The following ARHGDIB variants were observed in gnomAD, a reference collection of about 807,000 sequenced individuals.
ARHGDIB encodes rho GDP-dissociation inhibitor 2.
ARHGDIB carries 20 observed loss-of-function variants against 22.6 expected under a neutral mutation model. The observed-to-expected ratio is 0.88, with a 90% CI of 0.62 to 1.28. ARHGDIB has a LOEUF of 1.28. ARHGDIB is among the 50% of genes most tolerant of loss of function. The pLI is 0.00. For synonymous variants in ARHGDIB, 114 were observed against 96.1 expected (o/e 1.19, Z -1.09); for missense variants, 254 against 245.4 (o/e 1.04, Z -0.23).
chr12:14,949,677 A>C lies in ARHGDIB; in HGVS notation c.265+125T>G, dbSNP rs1443015939. 3 of 824,066 alleles carry C rather than the reference A, an allele frequency of 3.6e-6. No individual in the cohort carries two copies. The East Asian group carries it at 8.0e-5, about 22-fold the overall frequency. 51.0% of individuals were successfully genotyped at this position (824,066 alleles called of 1,614,324 possible). ...TGCACTCTAAGAGCAATGATTTGTT[A>C]ACTGGTCCTAGCATATATATCTCTC... On this transcript the variant is annotated intron_variant, in intron 3 of 5. Coordinates refer to ENST00000228945, the MANE Select transcript of ARHGDIB (RefSeq NM_001175.7).
intron 1 of ARHGDIB, chr12:14,961,284 C>G (rs1034856838): frequency 6.6e-6 from 1 of 152,216 alleles, no homozygotes; most frequent in Non-Finnish European, 1.5e-5. Flanking sequence ...CAGGATTGCA[C>G]TTCCTGGGCT....
chr12:14,956,552 G>C (rs1371747534), intron 1 of ARHGDIB, among the ~76,000 whole-genome samples: 1 of 152,192 alleles, frequency 6.6e-6, no homozygotes, highest in Non-Finnish European at 1.5e-5. Flanking sequence ...GGGCAGAGCT[G>C]AGTTTTGCTT....
At chr12:14,954,587 A>G (rs1864259354) in intron 1 of ARHGDIB, among the ~76,000 whole-genome samples, 1 of 152,072 alleles carries the variant, frequency 6.6e-6, no homozygotes, top group African/African-American at 2.4e-5. Flanking sequence ...CTGTTAACTG[A>G]ATGTTGCAAC....
Position 14,942,615 on chromosome 12 carries a change from C to A in ARHGDIB, c.513G>T (p.Thr171=), listed in dbSNP as rs764374478. Residue 171 remains threonine (T), a synonymous_variant, in exon 6 of 6, where the codon ACG becomes ACT. Transcript: ENST00000228945. ...CGGTGAAGAAGGACTTGTTGTGGTACGTGCCTCGCGCCAGCATGCCCTTGG... is the reference window on the plus strand; with the variant it reads ...CGGTGAAGAAGGACTTGTTGTGGTAAGTGCCTCGCGCCAGCATGCCCTTGG... The part of the protein sequence containing the change: ...EAPKGMLARG[T]YHNKSFFTDD... 3.1e-6 allele frequency: 5 copies of A among 1,614,132 alleles called. No homozygotes were observed. Among genetic ancestry groups the A allele is most frequent in the South Asian group, 1.1e-5 (1 of 91,078 alleles).
At chr12:14,954,253 A>G (rs1864249812) in intron 1 of ARHGDIB, among the ~76,000 whole-genome samples, 1 of 152,214 alleles carries the variant, frequency 6.6e-6, no homozygotes, top group Admixed American at 6.5e-5. Flanking sequence ...TGCTGGGATT[A>G]CAGGTGCCTG....
Position 14,957,820 on chromosome 12 carries a change from G to A in ARHGDIB, c.-13+3717C>T, listed in dbSNP as rs113831684. 2.2e-4 allele frequency among the ~76,000 whole-genome samples: 33 copies of A among 151,926 alleles called. 1 individual carries two copies. Among genetic ancestry groups the A allele is most frequent in the African/African-American group, 8.0e-4 (33 of 41,410 alleles). ...TAATGTATTAGGTAGAAGAGATAGC[G>A]ATGAGAGAGAGAGAAGGAAGAGGGG... On this transcript the variant is annotated intron_variant, in intron 1 of 5. Transcript: ENST00000228945.
chr12:14,952,069 C>T (rs1864188983), intron 1 of ARHGDIB, among the ~76,000 whole-genome samples: 1 of 152,088 alleles, frequency 6.6e-6, no homozygotes, highest in Admixed American at 6.5e-5. Flanking sequence ...TGGTTAAAGC[C>T]TTCATTGCTC....
chr12:14,953,295 A>C (rs1308600699), intron 1 of ARHGDIB, among the ~76,000 whole-genome samples: 1 of 152,206 alleles, frequency 6.6e-6, no homozygotes, highest in Non-Finnish European at 1.5e-5. Flanking sequence ...TAAGAAAAAG[A>C]GATATGAGAC....
intron 4 of ARHGDIB, among the ~76,000 whole-genome samples, chr12:14,945,386 TG>T (rs1863989338): frequency 6.6e-6 from 1 of 152,218 alleles, no homozygotes; most frequent in Non-Finnish European, 1.5e-5. Context: ...GAAATTCACT[TG>T]TATCTGGCAA....
Position 14,949,807 on chromosome 12 carries a change from AGG to A in ARHGDIB, c.258_259del (p.Leu87TyrfsTer19). On this transcript the variant is annotated frameshift_variant, in exon 3 of 6. Transcript: ENST00000228945. LOFTEE classifies it high-confidence loss of function. Reference sequence around the variant, plus strand: ...GTACAGATGTGTCTACATACCAGTAAGGTCCATGGTGATTGGTCCCGGGGCAC... The same window carrying A: ...GTACAGATGTGTCTACATACCAGTAATCCATGGTGATTGGTCCCGGGGCAC... The A allele has an allele frequency of 1.2e-6, 2 of 1,613,506 alleles. No homozygotes were observed. Among genetic ancestry groups the A allele is most frequent in the Non-Finnish European group, 1.7e-6 (2 of 1,179,592 alleles).
chr12:14,945,613 T>C (rs1863995278), intron 4 of ARHGDIB, among the ~76,000 whole-genome samples: 1 of 152,264 alleles, frequency 6.6e-6, no homozygotes. Flanking sequence ...ATTGCATCAT[T>C]AGCCGAAGAG....
intron 1 of ARHGDIB, 188 bp from the exon 2 acceptor site, chr12:14,950,912 C>G (rs150676048): frequency 1.0e-5 from 5 of 490,592 alleles, no homozygotes; most frequent in Admixed American, 3.9e-5. Flanking sequence ...AGTAATTTCT[C>G]TGACCTGCCT....
chr12:14,957,680 A>G (rs1195016259), intron 1 of ARHGDIB, among the ~76,000 whole-genome samples: 1 of 152,230 alleles, frequency 6.6e-6, no homozygotes, highest in Non-Finnish European at 1.5e-5. Flanking sequence ...ACAGCTAATG[A>G]AGAGAATTCC....
chr12:14,944,304 C>G (rs1223353768), intron 5 of ARHGDIB, among the ~76,000 whole-genome samples: 1 of 151,110 alleles, frequency 6.6e-6, no homozygotes, highest in Non-Finnish European at 1.5e-5. Context: ...TTTTCTATTT[C>G]TTTGTTAGGA....
chr12:14,958,411 C>T (rs543617593), intron 1 of ARHGDIB, among the ~76,000 whole-genome samples: 3 of 152,162 alleles, frequency 2.0e-5, no homozygotes, highest in Non-Finnish European at 4.4e-5. Context: ...GCACAAATTA[C>T]TAGAAACGTA....
intron 1 of ARHGDIB, among the ~76,000 whole-genome samples, chr12:14,958,096 T>C (rs1216680317): frequency 6.6e-6 from 1 of 152,200 alleles, no homozygotes; most frequent in Non-Finnish European, 1.5e-5. Context: ...TAAAACACTG[T>C]TGACATTTCA....
At chr12:14,948,020 C>A in intron 3 of ARHGDIB, 71 bp from the exon 4 acceptor site, 5 of 1,370,782 alleles carry the variant, frequency 3.6e-6, no homozygotes, top group Non-Finnish European at 5.2e-6. Flanking sequence ...ACTTTTAAGT[C>A]CCGGAAAAAT....
intron 3 of ARHGDIB, among the ~76,000 whole-genome samples, chr12:14,949,569 A>C (rs1291431088): frequency 2.6e-5 from 4 of 152,344 alleles, no homozygotes; most frequent in African/African-American, 9.6e-5. Context: ...AAAATCTGTA[A>C]ATATATCAAA....
chr12:14,948,095 T>C lies in ARHGDIB; in HGVS notation c.266-146A>G, dbSNP rs528650483. The C allele has an allele frequency of 1.7e-4, 74 of 433,496 alleles. 1 individual carries two copies. In the African/African-American group the frequency reaches 1.9e-3, roughly 11 times the overall value. The allele number at this position is 433,496 out of a possible 1,614,324, so 26.9% of individuals were successfully genotyped here. On this transcript the variant is annotated intron_variant, in intron 3 of 5. Transcript: ENST00000228945. ...CAATTCACAGAGTATTTGAGTTTAG[T>C]CCTTGCACACACACACACACACACA...
Sources: gnomAD v4.1 joint callset for allele counts (sites outside exome capture counted in the v4.1 genomes callset) on GRCh38, gnomAD v4.1.1 for gene constraint, MANE v1.5 for transcripts, NCBI Gene and HGNC (gene_info 2026-07-23, HGNC 2026-07-21) for gene names.